The following DPYSL3 variants were observed in gnomAD, a reference collection of about 807,000 sequenced individuals.
DPYSL3 encodes the protein dihydropyrimidinase like 3, also known as dihydropyrimidinase-related protein 3.
In DPYSL3, 16 loss-of-function variants were observed where a neutral mutation model predicts 66.1. The observed-to-expected ratio is 0.24, with a 90% CI of 0.16 to 0.37. DPYSL3 has a LOEUF of 0.37. Ranked by LOEUF, DPYSL3 falls within the 10% of genes least tolerant of loss-of-function variation. DPYSL3 has a pLI of 1.00. For synonymous variants in DPYSL3, 338 were observed against 345.1 expected (o/e 0.98, Z 0.23); for missense variants, 738 against 916.2 (o/e 0.81, Z 2.51).
At chr5:147,425,012 G>T in intron 1 of DPYSL3, 49 bp from the exon 2 acceptor site, 1 of 1,471,556 alleles carries the variant, frequency 6.8e-7, no homozygotes, top group Non-Finnish European at 9.4e-7. Flanking sequence ...TGATTTCAGA[G>T]AAGAGTGATC....
At chr5:147,437,876 G>C (rs78821790) in intron 1 of DPYSL3, among the ~76,000 whole-genome samples, 1 of 152,352 alleles carries the variant, frequency 6.6e-6, no homozygotes, top group African/African-American at 2.4e-5. Context: ...CTCAATAAAT[G>C]TGAGTTCCTT....
intron 1 of DPYSL3, among the ~76,000 whole-genome samples, chr5:147,482,258 C>G (rs952012354): frequency 1.3e-5 from 2 of 152,186 alleles, no homozygotes; most frequent in Non-Finnish European, 2.9e-5. Flanking sequence ...TCATAAAACC[C>G]AATCATGAAA....
rs1561793877 is a variant in DPYSL3, at chr5:147,452,922, C to CACAT, written c.382-27960_382-27959insATGT. ...ACACACACACACACACACACACACA[C>CACAT]ACACATAAAGTTGATCATTCCCACT... On this transcript the variant is annotated intron_variant, in intron 1 of 13. Transcript: ENST00000343218. Among the ~76,000 whole-genome samples, 8 of 137,564 alleles carry CACAT rather than the reference C, an allele frequency of 5.8e-5. No homozygotes were observed. The East Asian group carries it at 1.1e-3, about 19-fold the overall frequency. The allele number at this position is 137,564 out of a possible 152,430, so 90.2% of individuals were successfully genotyped here.
intron 1 of DPYSL3, among the ~76,000 whole-genome samples, chr5:147,469,691 T>C (rs960926037): frequency 1.3e-5 from 2 of 152,124 alleles, no homozygotes; most frequent in South Asian, 4.1e-4. Context: ...GGAAGAAGAA[T>C]CTCTAGTTTT....
chr5:147,479,818 A>G (rs867625967), intron 1 of DPYSL3, among the ~76,000 whole-genome samples: 1 of 152,190 alleles, frequency 6.6e-6, no homozygotes, highest in South Asian at 2.1e-4. Context: ...ACTACACAGA[A>G]ATCAGGCTTA....
chr5:147,488,707 C>G (rs769343049), intron 1 of DPYSL3, among the ~76,000 whole-genome samples: 1 of 151,810 alleles, frequency 6.6e-6, no homozygotes, highest in South Asian at 2.1e-4. Flanking sequence ...CAGAGTGAGG[C>G]CCTTCTCAAA....
chr5:147,412,964 A>T (rs1005951902), intron 5 of DPYSL3, among the ~76,000 whole-genome samples: 5 of 152,200 alleles, frequency 3.3e-5, no homozygotes, highest in African/African-American at 1.2e-4. Context: ...TGCCTCTAGC[A>T]CACATTTTTA....
intron 1 of DPYSL3, among the ~76,000 whole-genome samples, chr5:147,502,405 A>G (rs2126460938): frequency 6.6e-6 from 1 of 152,056 alleles, no homozygotes; most frequent in Middle Eastern, 3.4e-3. Context: ...ACACACATAT[A>G]CACACAGATG....
chr5:147,437,947 C>G (rs1752444307), intron 1 of DPYSL3, among the ~76,000 whole-genome samples: 1 of 152,212 alleles, frequency 6.6e-6, no homozygotes, highest in Admixed American at 6.5e-5. Context: ...TGCCTACCTT[C>G]CCTCTCCTTT....
intron 1 of DPYSL3, among the ~76,000 whole-genome samples, chr5:147,487,389 CT>C (rs1354206557): frequency 4.6e-5 from 7 of 152,210 alleles, no homozygotes; most frequent in Non-Finnish European, 1.0e-4. Context: ...GTTTCTGAGC[CT>C]TTCAGATTGT....
chr5:147,431,026 C>T (rs1235049311), intron 1 of DPYSL3, among the ~76,000 whole-genome samples: 1 of 152,182 alleles, frequency 6.6e-6, no homozygotes, highest in Non-Finnish European at 1.5e-5. Flanking sequence ...AGTGGGGATT[C>T]AAGATCCTTT....
At chr5:147,433,184 C>CCACATGGGCTTCT (rs1483755541) in intron 1 of DPYSL3, among the ~76,000 whole-genome samples, 1 of 152,118 alleles carries the variant, frequency 6.6e-6, no homozygotes, top group Non-Finnish European at 1.5e-5. Context: ...CCATATGTGT[C>CCACATGGGCTTCT]CACATGGGCC....
intron 13 of DPYSL3, among the ~76,000 whole-genome samples, chr5:147,395,337 C>G (rs1757936436): frequency 6.6e-6 from 1 of 152,156 alleles, no homozygotes; most frequent in African/African-American, 2.4e-5. Flanking sequence ...ACCACTTAAA[C>G]CTGGTCTTCG....
In DPYSL3 at chr5:147,418,474, C is replaced by A. The variant is rs778829032; in HGVS notation, c.628G>T (p.Ala210Ser). 3 of 1,610,686 alleles carry A rather than the reference C, an allele frequency of 1.9e-6. No individual in the cohort carries two copies. The highest frequency in any genetic ancestry group is 2.5e-6 in the Non-Finnish European group (3 of 1,178,374). Residue 210 changes from alanine (A) to serine (S), a missense_variant, in exon 3 of 14, where the codon GCC (alanine) becomes TCC (serine). By Grantham distance (99) the Ala-to-Ser change is moderately conservative (BLOSUM62 1). Coordinates refer to ENST00000343218, the MANE Select transcript of DPYSL3 (RefSeq NM_001197294.2). ...VDDFFQGTKA[A>S]LAGGTTMIID... ...ATCATGGTGGTGCCACCTGCTAAGG[C>A]CGCCTTTGTCCCTTGGAAGAAGTCA... is the stretch of plus-strand genomic sequence containing the variant.
intron 1 of DPYSL3, among the ~76,000 whole-genome samples, chr5:147,426,049 CCATCCATTCATT>C: frequency 6.7e-6 from 1 of 150,004 alleles, no homozygotes; most frequent in African/African-American, 2.4e-5. Flanking sequence ...ATCCATTCAT[CCATCCATTCATT>C]CCCAGGTCAT....
At chr5:147,451,516 G>A (rs1752728117) in intron 1 of DPYSL3, among the ~76,000 whole-genome samples, 1 of 152,182 alleles carries the variant, frequency 6.6e-6, no homozygotes, top group Non-Finnish European at 1.5e-5. Context: ...AGTTATCAAT[G>A]CTGAATTTCC....
intron 1 of DPYSL3, among the ~76,000 whole-genome samples, chr5:147,497,916 TTCTC>T (rs371277889): frequency 2.7e-5 from 4 of 149,010 alleles, no homozygotes; most frequent in East Asian, 2.1e-4. Context: ...CTCTCTCTCT[TTCTC>T]TCTCTCTCTC....
rs751007269 is a variant in DPYSL3, at chr5:147,400,833, G to A, written c.1311C>T (p.Ser437=). The A allele has an allele frequency of 6.8e-6, 11 of 1,612,860 alleles. No individual in the cohort carries two copies. Among genetic ancestry groups the A allele is most frequent in the South Asian group, 5.5e-5 (5 of 90,794 alleles). The change falls in exon 10 of 14, where the codon AGC becomes AGT. Residue 437 remains serine (S), a splice_region_variant and synonymous_variant. Transcript: ENST00000343218. Reference sequence around the variant, plus strand: ...CACTCCCAGATAGCTGCAGATCCCCGCTGGCAAAGGAGAAAAGCTCCACAT... The same window carrying A: ...CACTCCCAGATAGCTGCAGATCCCCACTGGCAAAGGAGAAAAGCTCCACAT... The part of the protein sequence containing the change: ...TPDYINSLLA[S]GDLQLSGSAH...
At position 147,391,511 on chromosome 5, in the gene DPYSL3, T is replaced by G. The variant is rs985853382; in HGVS notation, c.*2524A>C. ...CAGGGTTGGGGGGCAGGCCAAGGGA[T>G]GAGATGGCAAAGGACAGCTTTGGAA... On this transcript the variant is annotated 3_prime_UTR_variant, in exon 14 of 14. Transcript: ENST00000343218. 7 of 152,312 alleles carry G rather than the reference T, an allele frequency of 4.6e-5. No homozygotes were observed. Among genetic ancestry groups the G allele is most frequent in the South Asian group, 2.1e-4 (1 of 4,796 alleles). 9.4% of individuals were successfully genotyped at this position (152,312 alleles called of 1,614,324 possible).
Sources: gnomAD v4.1 joint callset for allele counts (sites outside exome capture counted in the v4.1 genomes callset) on GRCh38, gnomAD v4.1.1 for gene constraint, MANE v1.5 for transcripts, NCBI Gene and HGNC (gene_info 2026-07-23, HGNC 2026-07-21) for gene names.